BMPER: variants seen among roughly 807,000 people sequenced by gnomAD.
BMPER encodes BMP-binding endothelial regulator protein.
Under a neutral mutation model 87.3 loss-of-function variants are expected in BMPER, and 45 were observed. That is an observed-to-expected ratio of 0.52 (90% confidence interval 0.41 to 0.66). The LOEUF is 0.66. Ranked by LOEUF, BMPER falls within the 30% of genes least tolerant of loss-of-function variation. The pLI is 0.00. For missense variants in BMPER, 784 were observed against 867.5 expected (o/e 0.90, Z 1.21); for synonymous variants, 326 against 316.2 (o/e 1.03, Z -0.33).
At chr7:33,966,912 A>G (rs1350121700) in intron 4 of BMPER, among the ~76,000 whole-genome samples, 2 of 152,242 alleles carry the variant, frequency 1.3e-5, no homozygotes, top group Admixed American at 6.5e-5. Context: ...GAAAGCGGGT[A>G]TTGTTAAAGG....
intron 7 of BMPER, among the ~76,000 whole-genome samples, chr7:34,047,425 C>A (rs546620877): frequency 9.2e-5 from 14 of 152,044 alleles, no homozygotes; most frequent in South Asian, 2.1e-4. Context: ...ACTACAGGCA[C>A]GTGCCACCAC....
intron 2 of BMPER, among the ~76,000 whole-genome samples, chr7:33,914,840 A>C (rs1375015019): frequency 6.6e-6 from 1 of 152,234 alleles, no homozygotes; most frequent in Non-Finnish European, 1.5e-5. Context: ...GCCAAGGCAG[A>C]AGACGTTTGA....
intron 12 of BMPER, among the ~76,000 whole-genome samples, chr7:34,081,916 AG>A (rs571664004): frequency 1.2e-3 from 182 of 152,342 alleles, no homozygotes; most frequent in Non-Finnish European, 2.1e-3. Flanking sequence ...CAACAGCAAA[AG>A]CAACAATAAC....
At chr7:34,089,565 C>T (rs1352785849) in intron 13 of BMPER, among the ~76,000 whole-genome samples, 4 of 152,134 alleles carry the variant, frequency 2.6e-5, no homozygotes, top group Admixed American at 6.5e-5. Flanking sequence ...CTCACTGCAA[C>T]CTCTGCCCCA....
At chr7:34,014,215 C>A (rs1350682922) in intron 6 of BMPER, among the ~76,000 whole-genome samples, 1 of 151,812 alleles carries the variant, frequency 6.6e-6, no homozygotes, top group Non-Finnish European at 1.5e-5. Flanking sequence ...TGTTTTCTTC[C>A]CTCTTTAATG....
chr7:33,970,236 G>GGTTTTTGTC, intron 4 of BMPER, 93 bp from the exon 5 acceptor site: 1 of 1,296,960 alleles, frequency 7.7e-7, no homozygotes, highest in Non-Finnish European at 1.1e-6. Context: ...TGGTTTTTGT[G>GGTTTTTGTC]CTTGAGCACT....
rs371534215 is a variant in BMPER at position 33,924,382 on chromosome 7, G to A, written c.220-12907G>A. ...CTTCCCGTGGCTTCTCCTCTCACCC[G>A]GAATCCAGCTTGAAGAATAACCACT... On this transcript the variant is annotated intron_variant, in intron 2 of 14. Transcript: ENST00000649409. Among the ~76,000 whole-genome samples the A allele has an allele frequency of 7.2e-5, 11 of 152,292 alleles. No individual in the cohort carries two copies. The South Asian group carries it at 8.3e-4, about 11-fold the overall frequency.
At chr7:34,119,441 A>G (rs1283175018) in intron 13 of BMPER, among the ~76,000 whole-genome samples, 1 of 152,212 alleles carries the variant, frequency 6.6e-6, no homozygotes, top group Non-Finnish European at 1.5e-5. Context: ...ATAAGCTTCA[A>G]AAATACTTCT....
chr7:34,110,277 A>G (rs1303841803), intron 13 of BMPER, among the ~76,000 whole-genome samples: 1 of 152,216 alleles, frequency 6.6e-6, no homozygotes, highest in African/African-American at 2.4e-5. Context: ...GCATGTTCCA[A>G]CAACTTCCCT....
chr7:34,007,673 C>T (rs943350751), intron 6 of BMPER, among the ~76,000 whole-genome samples: 9 of 151,908 alleles, frequency 5.9e-5, no homozygotes, highest in African/African-American at 1.9e-4. Flanking sequence ...TTGATAGATA[C>T]AGGATAATTT....
chr7:33,949,165 A>G (rs2128612718), intron 3 of BMPER, among the ~76,000 whole-genome samples: 1 of 152,212 alleles, frequency 6.6e-6, no homozygotes, highest in East Asian at 1.9e-4. Flanking sequence ...TTTCCTCACT[A>G]GTACTCATGA....
intron 12 of BMPER, among the ~76,000 whole-genome samples, chr7:34,082,328 GTTTT>G (rs55748957): frequency 4.3e-5 from 5 of 116,442 alleles, no homozygotes; most frequent in East Asian, 2.6e-4. Context: ...CAACTTATTA[GTTTT>G]TTTTTTTTTT....
chr7:34,147,183 G>C (rs567409659), intron 14 of BMPER, among the ~76,000 whole-genome samples: 2 of 152,298 alleles, frequency 1.3e-5, no homozygotes, highest in Non-Finnish European at 2.9e-5. Context: ...GATGGTTCTA[G>C]CTCCTTCCCT....
At chr7:33,986,247 C>G (rs1786009170) in intron 6 of BMPER, among the ~76,000 whole-genome samples, 1 of 152,122 alleles carries the variant, frequency 6.6e-6, no homozygotes, top group African/African-American at 2.4e-5. Flanking sequence ...ATCCAGAATC[C>G]CCCTACTCTC....
chr7:34,147,313 G>A (rs1028532696), intron 14 of BMPER, among the ~76,000 whole-genome samples: 1 of 152,222 alleles, frequency 6.6e-6, no homozygotes, highest in Non-Finnish European at 1.5e-5. Context: ...AGGGGGATGT[G>A]GAGATGGTTG....
At chr7:34,040,326 A>T (rs574637052) in intron 6 of BMPER, among the ~76,000 whole-genome samples, 3 of 152,208 alleles carry the variant, frequency 2.0e-5, no homozygotes, top group Admixed American at 2.0e-4. Context: ...GGCAGAGCCT[A>T]TCTTGGACTA....
chr7:34,002,600 T>A (rs1209709098), intron 6 of BMPER, among the ~76,000 whole-genome samples: 1 of 151,868 alleles, frequency 6.6e-6, no homozygotes, highest in Non-Finnish European at 1.5e-5. Flanking sequence ...TTAGTTGTTC[T>A]ATCTATTATT....
intron 6 of BMPER, among the ~76,000 whole-genome samples, chr7:33,993,650 C>T (rs914337043): frequency 2.0e-4 from 31 of 152,034 alleles, no homozygotes; most frequent in African/African-American, 6.8e-4. Flanking sequence ...AGCTTTGTTC[C>T]GTTGCTGGTG....
At chr7:33,984,447 A>G (rs1785945774) in intron 6 of BMPER, among the ~76,000 whole-genome samples, 1 of 152,130 alleles carries the variant, frequency 6.6e-6, no homozygotes, top group Non-Finnish European at 1.5e-5. Flanking sequence ...CCTGGGCAAC[A>G]GAGCAAGAGT....
Sources: gnomAD v4.1 joint callset for allele counts (sites outside exome capture counted in the v4.1 genomes callset) on GRCh38, gnomAD v4.1.1 for gene constraint, MANE v1.5 for transcripts, NCBI Gene and HGNC (gene_info 2026-07-23, HGNC 2026-07-21) for gene names.